The following GABRB1 variants were observed in gnomAD, a reference collection of about 807,000 sequenced individuals.
The protein encoded by GABRB1 is gamma-aminobutyric acid receptor subunit beta-1.
Under a neutral mutation model 51.6 loss-of-function variants are expected in GABRB1, and 17 were observed. The observed-to-expected ratio is 0.33, with a 90% CI of 0.23 to 0.49. GABRB1 has a LOEUF of 0.49. GABRB1 is among the 20% of genes least tolerant of loss of function. The pLI is 0.99. For missense variants in GABRB1, 410 were observed against 600.6 expected, an observed-to-expected ratio of 0.68 and a Z score of 3.32; for synonymous variants, 247 against 218.9, an observed-to-expected ratio of 1.13 and a Z score of -1.14.
At chr4:47,191,737 T>C (rs1404307235) in intron 4 of GABRB1, among the ~76,000 whole-genome samples, 2 of 152,130 alleles carry the variant, frequency 1.3e-5, no homozygotes, top group African/African-American at 4.8e-5. Context: ...AAGCAGGAAG[T>C]GACTGGCTTA....
intron 3 of GABRB1, among the ~76,000 whole-genome samples, chr4:47,052,405 G>A (rs932184313): frequency 5.9e-5 from 9 of 152,208 alleles, no homozygotes; most frequent in African/African-American, 2.2e-4. Context: ...TATTATCAGT[G>A]TGATACCCAC....
At chr4:47,110,517 A>T (rs1715172413) in intron 3 of GABRB1, among the ~76,000 whole-genome samples, 1 of 152,168 alleles carries the variant, frequency 6.6e-6, no homozygotes, top group African/African-American at 2.4e-5. Context: ...TCTTTGCTTA[A>T]TCAAAAAGCT....
rs567966754 is a variant in GABRB1 at position 47,017,632 on chromosome 4, T to A, written c.-19-14282T>A. 2.3e-4 allele frequency among the ~76,000 whole-genome samples: 34 copies of A among 150,544 alleles called. No individual in the cohort carries two copies. The South Asian group carries it at 6.3e-3, about 28-fold the overall frequency. Reference sequence around the variant, plus strand: ...AATCGAATGATTTATTTTTTCACACTCACACACACACACACACAAGCATGC... The same window carrying A: ...AATCGAATGATTTATTTTTTCACACACACACACACACACACACAAGCATGC... On this transcript the variant is annotated intron_variant, in intron 1 of 3. Coordinates refer to the GABRB1 transcript ENST00000513567.
chr4:47,193,785 A>T (rs937013279), intron 4 of GABRB1, among the ~76,000 whole-genome samples: 1 of 152,222 alleles, frequency 6.6e-6, no homozygotes, highest in Non-Finnish European at 1.5e-5. Context: ...TGTGTAATGG[A>T]TTTAAAGGTA....
chr4:47,009,018 C>T (rs1470666459), intron 1 of GABRB1, among the ~76,000 whole-genome samples: 2 of 148,526 alleles, frequency 1.3e-5, no homozygotes, highest in Non-Finnish European at 3.0e-5. Context: ...CGCCCACCAC[C>T]ACGCCCGGCT....
At chr4:47,150,029 A>G (rs150365526) in intron 3 of GABRB1, among the ~76,000 whole-genome samples, 2 of 152,104 alleles carry the variant, frequency 1.3e-5, no homozygotes, top group Admixed American at 6.6e-5. Context: ...GGTTTAGCTA[A>G]ATATTTAGAA....
chr4:47,288,019 A>C (rs548418979), intron 4 of GABRB1, among the ~76,000 whole-genome samples: 40 of 152,306 alleles, frequency 2.6e-4, no homozygotes, highest in South Asian at 2.1e-3. Flanking sequence ...AGGCAGAGGC[A>C]CTAAACTACA....
intron 5 of GABRB1, among the ~76,000 whole-genome samples, chr4:47,366,946 G>A (rs1332956769): frequency 6.6e-6 from 1 of 152,118 alleles, no homozygotes; most frequent in Non-Finnish European, 1.5e-5. Flanking sequence ...ATTAGGTTGT[G>A]TAAGTGGATT....
Position 47,354,859 on chromosome 4 carries a change from C to CT in GABRB1, c.544+34660dup, listed in dbSNP as rs540162221. Among the ~76,000 whole-genome samples the CT allele has an allele frequency of 1.7e-3, 199 of 113,944 alleles. 2 individuals carry two copies. The highest frequency in any genetic ancestry group is 3.2e-3 in the Non-Finnish European group (163 of 51,228). The allele number at this position is 113,944 out of a possible 152,430, so 74.8% of individuals were successfully genotyped here. A position where few individuals can be genotyped will look rare whatever the true frequency, so the allele number is the denominator to read the frequency against. ...TCTTATAAAGCTTTTCTGTGGCAGG[C>CT]TTTTTTTTTTATACCCTGACCCCCT... On this transcript the variant is annotated intron_variant, in intron 5 of 8. Transcript: ENST00000295454.
chr4:47,073,960 G>T (rs1474106604), intron 3 of GABRB1, among the ~76,000 whole-genome samples: 1 of 151,998 alleles, frequency 6.6e-6, no homozygotes, highest in Non-Finnish European at 1.5e-5. Flanking sequence ...CTGACTAATA[G>T]GCATCTCTGA....
intron 1 of GABRB1, among the ~76,000 whole-genome samples, chr4:46,998,518 G>A (rs989842752): frequency 2.6e-5 from 4 of 152,000 alleles, no homozygotes; most frequent in Non-Finnish European, 5.9e-5. Flanking sequence ...GGATCACGAA[G>A]GTCAGGAGAT....
intron 3 of GABRB1, among the ~76,000 whole-genome samples, chr4:47,148,927 C>T (rs1252343734): frequency 6.6e-6 from 1 of 151,930 alleles, no homozygotes; most frequent in East Asian, 1.9e-4. Flanking sequence ...AAAGCTATGT[C>T]CTAGGAGGAA....
intron 4 of GABRB1, among the ~76,000 whole-genome samples, chr4:47,212,754 TA>T (rs934524176): frequency 6.6e-6 from 1 of 152,158 alleles, no homozygotes; most frequent in Non-Finnish European, 1.5e-5. Flanking sequence ...ATTATTCCTA[TA>T]AAAAATAAAT....
intron 5 of GABRB1, among the ~76,000 whole-genome samples, chr4:47,375,321 G>A (rs1190638428): frequency 1.2e-4 from 19 of 152,192 alleles, no homozygotes; most frequent in Admixed American, 9.8e-4. Flanking sequence ...ATCCAGTTAC[G>A]AAGTTGTGGA....
chr4:47,179,320 T>C (rs767407730), intron 4 of GABRB1, among the ~76,000 whole-genome samples: 47 of 152,260 alleles, frequency 3.1e-4, no homozygotes, highest in Middle Eastern at 3.4e-3. Flanking sequence ...ACATTTTCTT[T>C]ATCCAGTCTA....
At chr4:47,265,793 G>A (rs1357974344) in intron 4 of GABRB1, among the ~76,000 whole-genome samples, 1 of 151,920 alleles carries the variant, frequency 6.6e-6, no homozygotes, top group East Asian at 1.9e-4. Flanking sequence ...GGGGTCATTT[G>A]TTTTTTGTTG....
chr4:47,057,268 G>A (rs1161160857), intron 3 of GABRB1, among the ~76,000 whole-genome samples: 2 of 152,048 alleles, frequency 1.3e-5, no homozygotes, highest in African/African-American at 4.8e-5. Context: ...TTGTAAAAAA[G>A]GACATGGTAC....
At chr4:47,259,587 A>G (rs1722345878) in intron 4 of GABRB1, among the ~76,000 whole-genome samples, 1 of 152,188 alleles carries the variant, frequency 6.6e-6, no homozygotes, top group Admixed American at 6.6e-5. Flanking sequence ...AATAGGCATT[A>G]TTAACAACAA....
At chr4:47,379,093 A>G (rs1443876110) in intron 5 of GABRB1, among the ~76,000 whole-genome samples, 1 of 152,202 alleles carries the variant, frequency 6.6e-6, no homozygotes, top group African/African-American at 2.4e-5. Flanking sequence ...TATTCTGCCA[A>G]TTCCCATAGT....
Sources: allele counts gnomAD v4.1 joint callset (sites outside exome capture counted in the v4.1 genomes callset), GRCh38; gene constraint gnomAD v4.1.1; transcripts MANE v1.5; gene names NCBI Gene and HGNC (gene_info 2026-07-23, HGNC 2026-07-21).